Variants in CP observed in about 807,000 individuals in gnomAD.
CP encodes the protein ceruloplasmin.
CP carries 64 observed loss-of-function variants against 122.4 expected under a neutral mutation model. That is an observed-to-expected ratio of 0.52 (90% CI 0.43 to 0.64). The LOEUF (loss-of-function observed/expected upper bound fraction) is 0.64, where lower values mean the gene tolerates loss of function less well. CP is among the 30% of genes least tolerant of loss of function. The probability of loss-of-function intolerance (pLI) is 0.00; values close to 1 mark genes in which losing one functional copy is unlikely to be tolerated. For synonymous variants in CP, 440 were observed against 436.4 expected, an observed-to-expected ratio of 1.01 and a Z score of -0.10; for missense variants, 1,167 against 1,284.4, an observed-to-expected ratio of 0.91 and a Z score of 1.40.
At chr3:149,195,123 C>T (rs948940860) in intron 9 of CP, among the ~76,000 whole-genome samples, 4 of 152,170 alleles carry the variant, frequency 2.6e-5, no homozygotes, top group African/African-American at 7.2e-5. Context: ...ATCCGCTCCT[C>T]GACTGTATCA....
intron 5 of CP, 63 bp downstream of exon 5, chr3:149,207,300 G>T: frequency 6.2e-7 from 1 of 1,604,198 alleles, no homozygotes; most frequent in South Asian, 1.1e-5. Context: ...TTAGCTTTTA[G>T]ATTCTGATTC....
chr3:149,172,256 G>A, downstream of CP: 2 of 1,595,140 alleles, frequency 1.3e-6, no homozygotes, highest in Non-Finnish European at 8.6e-7. Flanking sequence ...AATGGCATTT[G>A]AGACTGAATT....
At chr3:149,204,115 GGC>G (rs2108282925) in intron 6 of CP, among the ~76,000 whole-genome samples, 1 of 152,312 alleles carries the variant, frequency 6.6e-6, no homozygotes, top group Admixed American at 6.5e-5. Flanking sequence ...TGCAAGACAG[GGC>G]AGAGGAGTGA....
chr3:149,163,317 G>A (rs1724075811), intron 5 of CP, among the ~76,000 whole-genome samples: 1 of 152,272 alleles, frequency 6.6e-6, no homozygotes, highest in Admixed American at 6.5e-5. Flanking sequence ...TGCACATACA[G>A]GAGCTGTTCT....
intron 9 of CP, among the ~76,000 whole-genome samples, chr3:149,197,063 A>C (rs1156645636): frequency 6.7e-6 from 1 of 149,220 alleles, no homozygotes; most frequent in Non-Finnish European, 1.5e-5. Context: ...TGCGACCCCC[A>C]CTCCTGCCTG....
intron 1 of CP, among the ~76,000 whole-genome samples, chr3:149,220,630 T>G (rs1370202972): frequency 6.6e-6 from 1 of 152,106 alleles, no homozygotes; most frequent in African/African-American, 2.4e-5. Flanking sequence ...ATTTTTATGG[T>G]GAAAAATTTC....
At chr3:149,189,598 A>G (rs1279719198) in intron 9 of CP, among the ~76,000 whole-genome samples, 1 of 152,146 alleles carries the variant, frequency 6.6e-6, no homozygotes, top group Non-Finnish European at 1.5e-5. Context: ...TCAGGTTGAC[A>G]TTAAAATTAT....
Position 149,212,637 on chromosome 3 carries a change from C to T in CP, c.208G>A (p.Ala70Thr), listed in dbSNP as rs1236705694. Residue 70 changes from alanine (A) to threonine (T), a missense_variant, in exon 2 of 19, where the codon GCC becomes ACC. By Grantham distance (58) the Ala-to-Thr change is moderately conservative. Around this residue, in one of 2 missense-constraint regions of CP, gnomAD observed 642 missense variants for 627.3 expected, o/e 1.02. Coordinates refer to ENST00000264613, the MANE Select transcript of CP (RefSeq NM_000096.4). Reference sequence around the variant, plus strand: ...TCATCTGTGTACTGAAGATAAAGGGCCTTCTTATATAGTCTCCCAATTCTA... The same window carrying T: ...TCATCTGTGTACTGAAGATAAAGGGTCTTCTTATATAGTCTCCCAATTCTA... ...PDRIGRLYKK[A>T]LYLQYTDETF... 1.2e-6 allele frequency: 2 copies of T among 1,613,804 alleles called. No individual in the cohort carries two copies. Among genetic ancestry groups the T allele is most frequent in the Non-Finnish European group, 1.7e-6 (2 of 1,179,914 alleles).
intron 1 of CP, among the ~76,000 whole-genome samples, chr3:149,213,436 T>G (rs531134059): frequency 6.6e-6 from 1 of 152,202 alleles, no homozygotes; most frequent in Non-Finnish European, 1.5e-5. Flanking sequence ...AAAGAAAAGA[T>G]GGAAAGAAAG....
intron 1 of CP, among the ~76,000 whole-genome samples, chr3:149,214,792 AAT>A (rs1229301557): frequency 1.3e-5 from 2 of 152,226 alleles, no homozygotes; most frequent in African/African-American, 4.8e-5. Context: ...AGTCTTAATA[AAT>A]ATATGTCTTA....
At chr3:149,197,245 C>T (rs983926660) in intron 9 of CP, among the ~76,000 whole-genome samples, 3 of 152,154 alleles carry the variant, frequency 2.0e-5, no homozygotes, top group African/African-American at 7.2e-5. Context: ...GGTCTCTTCA[C>T]ATGGACGCGC....
chr3:149,212,630 T>C lies in CP; in HGVS notation c.215A>G (p.Tyr72Cys), dbSNP rs1458844291. ...RIGRLYKKALYLQYTDETFRT... is the reference protein window; with the variant it reads ...RIGRLYKKALCLQYTDETFRT... ...AAAGGTTTCATCTGTGTACTGAAGATAAAGGGCCTTCTTATATAGTCTCCC... is the reference window on the plus strand; with the variant it reads ...AAAGGTTTCATCTGTGTACTGAAGACAAAGGGCCTTCTTATATAGTCTCCC... Residue 72 changes from tyrosine (Y) to cysteine (C), a missense_variant, in exon 2 of 19, where the codon TAT becomes TGT. Tyr to Cys is a radical substitution (Grantham distance 194). Transcript: ENST00000264613. The C allele has an allele frequency of 1.9e-6, 3 of 1,613,890 alleles. No homozygotes were observed. Among genetic ancestry groups the C allele is most frequent in the Non-Finnish European group, 2.5e-6 (3 of 1,179,958 alleles).
chr3:149,162,888 T>A, intron 5 of CP: 1 of 1,606,744 alleles, frequency 6.2e-7, no homozygotes, highest in Admixed American at 1.7e-5. Context: ...GGTAAGATAA[T>A]GGAATAATAC....
At chr3:149,191,377 A>T (rs779152218) in intron 9 of CP, among the ~76,000 whole-genome samples, 7 of 151,538 alleles carry the variant, frequency 4.6e-5, no homozygotes, top group Non-Finnish European at 1.0e-4. Context: ...ATAAAAACCT[A>T]TCAGAGCAGG....
chr3:149,199,662 C>T, intron 8 of CP, 50 bp downstream of exon 8: 3 of 1,608,146 alleles, frequency 1.9e-6, no homozygotes, highest in Middle Eastern at 1.9e-4. Context: ...GTGACCAGTA[C>T]AGTGGGTTAT....
chr3:149,217,521 A>G (rs1728545965), intron 1 of CP, among the ~76,000 whole-genome samples: 1 of 152,146 alleles, frequency 6.6e-6, no homozygotes, highest in Non-Finnish European at 1.5e-5. Context: ...CCAGTCTAAT[A>G]TCTATTTCTT....
In CP at chr3:149,183,454, A is replaced by T. The variant is rs747766688; in HGVS notation, c.2425+12T>A. 13 of 1,610,512 alleles carry T rather than the reference A, an allele frequency of 8.1e-6. No homozygotes were observed. The highest frequency in any genetic ancestry group is 1.1e-5 in the Non-Finnish European group (13 of 1,179,452). On this transcript the variant is annotated intron_variant, in intron 13 of 18. Coordinates refer to ENST00000264613, the MANE Select transcript of CP (RefSeq NM_000096.4). ...TTAACCCACACCTGATAAACTGGAGATATTAACATACCTAGAATTCCCAGA... is the reference window on the plus strand; with the variant it reads ...TTAACCCACACCTGATAAACTGGAGTTATTAACATACCTAGAATTCCCAGA...
rs757543677 is a variant in CP, at chr3:149,210,399, G to A, written c.395-20C>T. On this transcript the variant is annotated intron_variant, in intron 2 of 18. Coordinates refer to ENST00000264613, the MANE Select transcript of CP (RefSeq NM_000096.4). The stretch of plus-strand genomic sequence containing the variant: ...TGGCCCCTAGGAAGCAACATGCAAT[G>A]AAGGTGCAAAGTGAATGTGTTTGAA... 7 of 1,603,748 alleles carry A rather than the reference G, an allele frequency of 4.4e-6. No individual in the cohort carries two copies. The highest frequency in any genetic ancestry group is 6.0e-6 in the Non-Finnish European group (7 of 1,170,642).
At chr3:149,173,811 C>G in intron 18 of CP, 81 bp from the exon 19 acceptor site, 1 of 681,770 alleles carries the variant, frequency 1.5e-6, no homozygotes, top group Non-Finnish European at 2.5e-6. Flanking sequence ...AAATGTATTC[C>G]AATTTTTAAT....
Sources: gnomAD v4.1 joint callset for allele counts (sites outside exome capture counted in the v4.1 genomes callset) on GRCh38, gnomAD v4.1.1 for gene constraint, gnomAD v4.1.1 regional missense constraint, MANE v1.5 for transcripts, NCBI Gene and HGNC (gene_info 2026-07-23, HGNC 2026-07-21) for gene names.